NEB: variants seen among roughly 807,000 people sequenced by gnomAD.
NEB encodes nebulin.
NEB carries 512 observed loss-of-function variants against 952.2 expected under a neutral mutation model. The ratio of observed to expected loss-of-function variants is 0.54; its 90% CI spans 0.50 to 0.58. The LOEUF (loss-of-function observed/expected upper bound fraction) is 0.58. NEB is among the 20% of genes least tolerant of loss of function. NEB has a pLI of 0.00. For synonymous variants in NEB, 2,900 were observed against 3,149.8 expected (o/e 0.92, Z 2.66); for missense variants, 8,428 against 9,231.1 (o/e 0.91, Z 3.56).
At chr2:151,652,418 T>A (rs2099041066) in intron 52 of NEB, among the ~76,000 whole-genome samples, 1 of 151,986 alleles carries the variant, frequency 6.6e-6, no homozygotes, top group African/African-American at 2.4e-5. Context: ...AAAGAAAGAG[T>A]CTCACTACGT....
intron 70 of NEB, among the ~76,000 whole-genome samples, chr2:151,625,861 A>AAC (rs1045737151): frequency 1.3e-5 from 2 of 151,940 alleles, no homozygotes; most frequent in Admixed American, 6.6e-5. Context: ...CATATAATCA[A>AAC]ACACACACAC....
rs2070773602 is a variant in NEB, at chr2:151,508,106, T to C, written c.23350A>G (p.Lys7784Glu). The C allele has an allele frequency of 5.6e-6, 9 of 1,599,032 alleles. No individual in the cohort carries two copies. The highest frequency in any genetic ancestry group is 7.7e-6 in the Non-Finnish European group (9 of 1,170,730). The change falls in exon 162 of 182, where the codon AAG (lysine) becomes GAG (glutamate). Residue 7784 changes from lysine to glutamate, a missense_variant. This residue lies in a region of NEB where 3,374 missense variants were observed against 3,651.5 expected (regional missense o/e 0.92). Transcript: ENST00000397345. ...QQVKNLSSQKKYKEDAEKSMS... is the reference protein window; with the variant it reads ...QQVKNLSSQKEYKEDAEKSMS... Reference sequence around the variant, plus strand: ...GACTTCTCAGCATCTTCCTTGTACTTTTTCTGGGAATAGATTCCAAGAAAT... The same window carrying C: ...GACTTCTCAGCATCTTCCTTGTACTCTTTCTGGGAATAGATTCCAAGAAAT...
rs867732907 is a variant in NEB, at chr2:151,727,810, G to T, written c.175C>A (p.Gln59Lys). 6.3e-7 allele frequency: 1 copy of T among 1,599,154 alleles called. No individual in the cohort carries two copies. The highest frequency in any genetic ancestry group is 8.5e-7 in the Non-Finnish European group (1 of 1,174,008). Residue 59 changes from glutamine (Q) to lysine (K), a missense_variant, in exon 5 of 182, where the codon CAG (glutamine) becomes AAG (lysine). Gln to Lys is a moderately conservative substitution (Grantham distance 53, BLOSUM62 1). Around this residue, in one of 11 missense-constraint regions of NEB, gnomAD observed 2,851 missense variants for 2,791.5 expected, o/e 1.02. Transcript: ENST00000397345. Reference protein sequence around the residue: ...KPALAQPALAQPASAKPVERR... With the variant: ...KPALAQPALAKPASAKPVERR... ...TCCACCGGCTTTGCTGATGCTGGCTGTGCCAGTGCTGGCTGTGCCAGAGCT... is the reference window on the plus strand; with the variant it reads ...TCCACCGGCTTTGCTGATGCTGGCTTTGCCAGTGCTGGCTGTGCCAGAGCT...
chr2:151,718,614 G>A (rs1195792428), intron 9 of NEB, among the ~76,000 whole-genome samples: 1 of 152,060 alleles, frequency 6.6e-6, no homozygotes, highest in Admixed American at 6.6e-5. Flanking sequence ...GCTCAGAGGA[G>A]AAACATCCTT....
Position 151,514,300 on chromosome 2 carries a change from A to G in NEB, c.23127+18T>C, listed in dbSNP as rs1346636020. The G allele has an allele frequency of 6.5e-7, 1 of 1,529,714 alleles. No homozygotes were observed. The highest frequency in any genetic ancestry group is 9.1e-7 in the Non-Finnish European group (1 of 1,103,672). The allele number at this position is 1,529,714 out of a possible 1,614,324, so 94.8% of individuals were successfully genotyped here. On this transcript the variant is annotated intron_variant, in intron 159 of 181. Coordinates refer to ENST00000397345, the MANE Select transcript of NEB (RefSeq NM_001164508.2). Reference sequence around the variant, plus strand: ...GATGCTGTATGAATTACGTGCAGGCAGTCAGCTGTGGGCCTACCTCATTGA... The same window carrying G: ...GATGCTGTATGAATTACGTGCAGGCGGTCAGCTGTGGGCCTACCTCATTGA...
At chr2:151,582,934 T>C in intron 101 of NEB, among the ~76,000 whole-genome samples, 1 of 72,250 alleles carries the variant, frequency 1.4e-5, no homozygotes, top group Non-Finnish European at 3.4e-5. Flanking sequence ...TTTGTATGCT[T>C]GGATTAGTTT....
intron 169 of NEB, 69 bp downstream of exon 169, chr2:151,499,229 T>A: frequency 1.2e-6 from 1 of 842,610 alleles, no homozygotes. Flanking sequence ...ATTAGATTTT[T>A]AAAATCTAGC....
intron 160 of NEB, 88 bp downstream of exon 160, chr2:151,513,492 C>A: frequency 1.1e-6 from 1 of 935,988 alleles, no homozygotes; most frequent in Non-Finnish European, 1.6e-6. Context: ...GTGACTGTCA[C>A]CAATAAATCA....
intron 13 of NEB, among the ~76,000 whole-genome samples, chr2:151,697,943 G>A (rs542692600): frequency 2.6e-4 from 40 of 152,320 alleles, no homozygotes; most frequent in African/African-American, 8.2e-4. Flanking sequence ...GCGGGTGCCT[G>A]TAATCCCAGC....
chr2:151,574,281 AC>A (rs375150505), intron 107 of NEB, among the ~76,000 whole-genome samples: 63 of 152,034 alleles, frequency 4.1e-4, no homozygotes, highest in Middle Eastern at 3.4e-3. Flanking sequence ...GCATGTTCTT[AC>A]TCTTGAGTAA....
At chr2:151,733,059 C>G in intron 3 of NEB, 62 bp downstream of exon 3, 1 of 1,456,902 alleles carries the variant, frequency 6.9e-7, no homozygotes, top group Non-Finnish European at 9.4e-7. Flanking sequence ...AATTCACCTA[C>G]ACAGCTTTGA....
intron 63 of NEB, among the ~76,000 whole-genome samples, chr2:151,637,563 G>C (rs2098785371): frequency 6.6e-6 from 1 of 152,212 alleles, no homozygotes; most frequent in Non-Finnish European, 1.5e-5. Context: ...GGGTGGAATA[G>C]GGGGTTGCGG....
chr2:151,526,246 T>A lies in NEB; in HGVS notation c.21962A>T (p.Lys7321Ile). The change falls in exon 149 of 182, where the codon AAA (lysine) becomes ATA (isoleucine). Residue 7321 changes from lysine to isoleucine, a missense_variant. Physicochemically the swap from Lys to Ile is moderately radical, Grantham distance 102. Transcript: ENST00000397345. ...GCAGGTTCCTCTTTCCTTGACATGT[T>A]TCTCTTTGTATTTCAGCTTCAGGGG... is the stretch of plus-strand genomic sequence containing the variant. ...LIESDLKYKEKHVKERGTCHA... is the reference protein window; with the variant it reads ...LIESDLKYKEIHVKERGTCHA... 6.2e-7 allele frequency: 1 copy of A among 1,611,882 alleles called. No individual in the cohort carries two copies. Among genetic ancestry groups the A allele is most frequent in the Non-Finnish European group, 8.5e-7 (1 of 1,178,714 alleles).
chr2:151,510,021 G>T (rs905140562), intron 161 of NEB, among the ~76,000 whole-genome samples: 1 of 152,212 alleles, frequency 6.6e-6, no homozygotes, highest in African/African-American at 2.4e-5. Context: ...ATGTCTTTGT[G>T]TAAGTGTTCA....
At chr2:151,578,414 C>A (rs2153822769) in intron 105 of NEB, among the ~76,000 whole-genome samples, 1 of 151,662 alleles carries the variant, frequency 6.6e-6, no homozygotes, top group South Asian at 2.1e-4. Context: ...TGCCCCAGCA[C>A]TTTGGGAGGC....
At chr2:151,610,178 G>T in intron 80 of NEB, 58 bp from the exon 81 acceptor site, 2 of 1,338,098 alleles carry the variant, frequency 1.5e-6, no homozygotes, top group South Asian at 1.4e-5. Context: ...CTCATGTGCT[G>T]ACAATTACAG....
At chr2:151,678,724 G>A (rs1280671055) in intron 32 of NEB, among the ~76,000 whole-genome samples, 4 of 152,096 alleles carry the variant, frequency 2.6e-5, no homozygotes, top group Admixed American at 1.3e-4. Context: ...GAGGGGGACT[G>A]AGCTTCCTCA....
chr2:151,695,111 G>GA (rs1473651675), intron 18 of NEB, among the ~76,000 whole-genome samples: 1 of 152,100 alleles, frequency 6.6e-6, no homozygotes, highest in Non-Finnish European at 1.5e-5. Flanking sequence ...AATTAAGTTT[G>GA]AAAAATGAAG....
rs192669125 is a variant in NEB, at chr2:151,500,633, G to A, written c.24021+758C>T. ...TTTTTTGAAACAGGGTCTCACTCCT[G>A]TTGCCTAGGCTGGAGTACAGTGGCA... On this transcript the variant is annotated intron_variant, in intron 168 of 181. Coordinates refer to ENST00000397345, the MANE Select transcript of NEB (RefSeq NM_001164508.2). Among the ~76,000 whole-genome samples the A allele has an allele frequency of 3.5e-3, 406 of 115,738 alleles. 2 individuals are homozygous for A. The highest frequency in any genetic ancestry group is 0.013 in the African/African-American group (387 of 30,112). 75.9% of individuals were successfully genotyped at this position (115,738 alleles called of 152,430 possible).
Sources: gnomAD v4.1 joint callset for allele counts (sites outside exome capture counted in the v4.1 genomes callset) on GRCh38, gnomAD v4.1.1 for gene constraint, gnomAD v4.1.1 regional missense constraint, MANE v1.5 for transcripts, NCBI Gene and HGNC (gene_info 2026-07-23, HGNC 2026-07-21) for gene names.